Variants in TOR2A observed in about 807,000 individuals in gnomAD.
TOR2A encodes the protein prosalusin.
TOR2A carries 24 observed loss-of-function variants against 28.6 expected under a neutral mutation model. The ratio of observed to expected loss-of-function variants is 0.84; its 90% CI spans 0.61 to 1.18. The LOEUF is 1.18. TOR2A is among the 50% of genes most tolerant of loss of function. The probability of loss-of-function intolerance (pLI) is 0.00; values close to 1 mark genes in which losing one functional copy is unlikely to be tolerated. For synonymous variants in TOR2A, 203 were observed against 203.1 expected (o/e 1.00, Z 0.00); for missense variants, 426 against 448.1 (o/e 0.95, Z 0.45).
chr9:127,734,767 G>C (rs1333009384), intron 1 of TOR2A: 1 of 613,880 alleles, frequency 1.6e-6, no homozygotes, highest in Non-Finnish European at 2.5e-6. Flanking sequence ...CCCACCAGGC[G>C]GTCCTCTAGA....
rs371993319 is a variant in TOR2A at position 127,734,287 on chromosome 9, C to A, written c.417+12G>T. 2.6e-6 allele frequency: 4 copies of A among 1,566,654 alleles called. No homozygotes were observed. Among genetic ancestry groups the A allele is most frequent in the Non-Finnish European group, 2.6e-6 (3 of 1,153,754 alleles). On this transcript the variant is annotated intron_variant, in intron 2 of 4. Coordinates refer to ENST00000373284, the MANE Select transcript of TOR2A (RefSeq NM_001085347.3). ...ATGGTGAGAACAGTGGTCAAGGACG[C>A]ATCCAGCCTACCTTGTAGCGCTCGA...
chr9:127,732,225 G>A lies in TOR2A; in HGVS notation c.775C>T (p.Pro259Ser). The A allele has an allele frequency of 6.2e-7, 1 of 1,609,158 alleles. No individual in the cohort carries two copies. The highest frequency in any genetic ancestry group is 1.1e-5 in the South Asian group (1 of 90,904). The part of the protein sequence containing the change: ...MEERLLDAVV[P>S]FLPLQRHHVR... ...TGGTGCCGCTGGAGCGGGAGGAAGG[G>A]CACCACTGCGTCTAGGAGGCGCTCT... The change falls in exon 5 of 5, where the codon CCC (proline) becomes TCC (serine). Residue 259 changes from proline to serine, a missense_variant. Pro to Ser is a moderately conservative substitution (Grantham distance 74). Coordinates refer to ENST00000373284, the MANE Select transcript of TOR2A (RefSeq NM_001085347.3).
In TOR2A at chr9:127,734,458, C is replaced by A. The variant is rs751230205; in HGVS notation, c.258G>T (p.Pro86=). 19 of 1,608,620 alleles carry A rather than the reference C, an allele frequency of 1.2e-5. No homozygotes were observed. Among genetic ancestry groups the A allele is most frequent in the Non-Finnish European group, 1.5e-5 (18 of 1,177,934 alleles). ...TCCAGCCGTGCAGGGAGAGGACCAG[C>A]GGCTTGGTGGGGGCTGGGTCCCGCA... The part of the protein sequence containing the change: ...AFVRDPAPTK[P]LVLSLHGWTG... The change falls in exon 2 of 5, where the codon CCG becomes CCT. Residue 86 remains proline, a synonymous_variant. Transcript: ENST00000373284.
In TOR2A at chr9:127,735,193, G is replaced by GGCGGCC; in HGVS notation, c.72_77dup (p.Ala26_Ala27dup). 17 of 1,481,202 alleles carry GGCGGCC rather than the reference G, an allele frequency of 1.1e-5. No individual in the cohort carries two copies. The highest frequency in any genetic ancestry group is 1.5e-5 in the Non-Finnish European group (17 of 1,124,294). The allele number at this position is 1,481,202 out of a possible 1,614,324, so 91.8% of individuals were successfully genotyped here. On this transcript the variant is annotated inframe_insertion, in exon 1 of 5. Coordinates refer to ENST00000373284, the MANE Select transcript of TOR2A (RefSeq NM_001085347.3). ...AGCGCAGGGAAGCCAGGTCCCAGGC[G>GGCGGCC]GCGGCCGCGGCCGAGACCAGCCCGA...
chr9:127,732,355 G>A, intron 4 of TOR2A, 77 bp from the exon 5 acceptor site: 1 of 1,503,366 alleles, frequency 6.7e-7, no homozygotes, highest in Non-Finnish European at 8.9e-7. Flanking sequence ...CCCAGGGGCA[G>A]GAGGAAAAAT....
At position 127,735,195 on chromosome 9, in the gene TOR2A, C is replaced by T. The variant is rs1421269124; in HGVS notation, c.76G>A (p.Ala26Thr). The change falls in exon 1 of 5, where the codon GCC (alanine) becomes ACC (threonine). Residue 26 changes from alanine (A) to threonine (T), a missense_variant. Physicochemically the swap from Ala to Thr is moderately conservative, Grantham distance 58. Coordinates refer to ENST00000373284, the MANE Select transcript of TOR2A (RefSeq NM_001085347.3). ...CGCAGGGAAGCCAGGTCCCAGGCGG[C>T]GGCCGCGGCCGAGACCAGCCCGAGC... ...GLLGLVSAAA[A>T]AWDLASLRCT... The T allele has an allele frequency of 6.8e-7, 1 of 1,480,346 alleles. No homozygotes were observed. The highest frequency in any genetic ancestry group is 8.9e-7 in the Non-Finnish European group (1 of 1,123,776). The allele number at this position is 1,480,346 out of a possible 1,614,324, so 91.7% of individuals were successfully genotyped here.
chr9:127,731,553 TG>T lies in TOR2A; in HGVS notation c.*480del. On this transcript the variant is annotated 3_prime_UTR_variant, in exon 5 of 5. Transcript: ENST00000373284. ...GTCCCACAGCTGAGTTTATTATACT[TG>T]TTTTCTTTTACAAAATTAAAAACAT... 7.0e-7 allele frequency: 1 copy of T among 1,421,338 alleles called. No individual in the cohort carries two copies. Among genetic ancestry groups the T allele is most frequent in the African/African-American group, 1.4e-5 (1 of 69,596 alleles). The allele number at this position is 1,421,338 out of a possible 1,614,324, so 88.0% of individuals were successfully genotyped here.
At chr9:127,732,450 C>T (rs760334893) in intron 4 of TOR2A, 114 bp downstream of exon 4, 6 of 1,449,448 alleles carry the variant, frequency 4.1e-6, no homozygotes, top group Non-Finnish European at 5.4e-6. Flanking sequence ...CTGGGAGTGC[C>T]AAAGCCAGGC....
chr9:127,732,898 GTTTACAAA>G, intron 3 of TOR2A: 1 of 1,419,010 alleles, frequency 7.0e-7, no homozygotes, highest in African/African-American at 1.4e-5. Context: ...GTACTTTATA[GTTTACAAA>G]ACACTTTTGT....
chr9:127,732,711 A>G lies in TOR2A; in HGVS notation c.594-20T>C. ...GTGTTGCTAAAACCATGGGGGACCC[A>G]GGCTGAGACTCAGATGAGGACTAGC... On this transcript the variant is annotated intron_variant, in intron 3 of 4. Coordinates refer to ENST00000373284, the MANE Select transcript of TOR2A (RefSeq NM_001085347.3). The G allele has an allele frequency of 6.4e-7, 1 of 1,555,950 alleles. No homozygotes were observed. Among genetic ancestry groups the G allele is most frequent in the South Asian group, 1.2e-5 (1 of 84,300 alleles).
At chr9:127,732,796 T>C (rs781605608) in intron 3 of TOR2A, 105 bp from the exon 4 acceptor site, 22 of 1,469,976 alleles carry the variant, frequency 1.5e-5, no homozygotes, top group Non-Finnish European at 1.9e-5. Flanking sequence ...CATGGCTCAG[T>C]GCGGGGAGGA....
At chr9:127,732,977 C>G (rs1168664705) in intron 3 of TOR2A, 46 of 1,379,086 alleles carry the variant, frequency 3.3e-5, no homozygotes, top group Non-Finnish European at 4.4e-5. Flanking sequence ...TCATTATTGG[C>G]CCCGCTGTTC....
Position 127,734,568 on chromosome 9 carries a change from G to C in TOR2A, c.152-4C>G. On this transcript the variant is annotated splice_polypyrimidine_tract_variant and splice_region_variant and intron_variant, in intron 1 of 4. Coordinates refer to ENST00000373284, the MANE Select transcript of TOR2A (RefSeq NM_001085347.3). ...TGAGCCAGGTCACACTCCAGACCTAGGGCCACAGGAGGATGGTGAGGACAC... is the reference window on the plus strand; with the variant it reads ...TGAGCCAGGTCACACTCCAGACCTACGGCCACAGGAGGATGGTGAGGACAC... 6.7e-7 allele frequency: 1 copy of C among 1,501,782 alleles called. No individual in the cohort carries two copies. The highest frequency in any genetic ancestry group is 8.9e-7 in the Non-Finnish European group (1 of 1,127,052). The allele number at this position is 1,501,782 out of a possible 1,614,324, so 93.0% of individuals were successfully genotyped here. A position where few individuals can be genotyped will look rare whatever the true frequency, so the allele number is the denominator to read the frequency against.
intron 4 of TOR2A, 61 bp downstream of exon 4, chr9:127,732,503 G>C: frequency 6.6e-7 from 1 of 1,509,110 alleles, no homozygotes; most frequent in Non-Finnish European, 8.8e-7. Flanking sequence ...GACCCCGGGA[G>C]AGCCTGGCCC....
rs1844469025 is a variant in TOR2A, at chr9:127,732,269, G to A, written c.731C>T (p.Ser244Leu). The change falls in exon 5 of 5, where the codon TCA (serine) becomes TTA (leucine). Residue 244 changes from serine (S) to leucine (L), a missense_variant. By Grantham distance (145) the Ser-to-Leu change is moderately radical. Transcript: ENST00000373284. ...AVLDNPHHGFSNSGIMEERLL... is the reference protein window; with the variant it reads ...AVLDNPHHGFLNSGIMEERLL... ...GCGCTCTTCCATGATGCCCGAGTTTGAGAAGCCATCTGCAGGAAGGGTAGG... is the reference window on the plus strand; with the variant it reads ...GCGCTCTTCCATGATGCCCGAGTTTAAGAAGCCATCTGCAGGAAGGGTAGG... The A allele has an allele frequency of 6.3e-7, 1 of 1,579,514 alleles. No homozygotes were observed. Among genetic ancestry groups the A allele is most frequent in the African/African-American group, 1.3e-5 (1 of 74,142 alleles).
At chr9:127,733,213 A>G in intron 3 of TOR2A, 172 bp downstream of exon 3, 1 of 1,599,994 alleles carries the variant, frequency 6.3e-7, no homozygotes. Flanking sequence ...GTCCAAAGGG[A>G]AATCAACCAG....
intron 1 of TOR2A, 63 bp from the exon 2 acceptor site, chr9:127,734,627 A>G (rs1032053291): frequency 2.1e-6 from 3 of 1,419,178 alleles, no homozygotes; most frequent in South Asian, 1.6e-5. Flanking sequence ...GGAGAACATC[A>G]TGTCTGGAAC....
At chr9:127,732,837 C>T in intron 3 of TOR2A, 146 bp from the exon 4 acceptor site, 1 of 1,442,332 alleles carries the variant, frequency 6.9e-7, no homozygotes, top group East Asian at 2.5e-5. Flanking sequence ...TCCACTTCCC[C>T]CTCCATGGTG....
At chr9:127,732,475 T>G (rs1844481078) in intron 4 of TOR2A, 89 bp downstream of exon 4, 1 of 1,465,130 alleles carries the variant, frequency 6.8e-7, no homozygotes, top group Non-Finnish European at 9.0e-7. Flanking sequence ...AACTGCCGGG[T>G]CAGTGGGCAA....
Sources: allele counts gnomAD v4.1 joint callset, GRCh38; gene constraint gnomAD v4.1.1; transcripts MANE v1.5; gene names NCBI Gene and HGNC (gene_info 2026-07-23, HGNC 2026-07-21).